ATP9B: variants seen among roughly 807,000 people sequenced by gnomAD.
The protein encoded by ATP9B is probable phospholipid-transporting ATPase IIB.
In ATP9B, 110 loss-of-function variants were observed where a neutral mutation model predicts 146.1. That is an observed-to-expected ratio of 0.75 (90% confidence interval 0.65 to 0.88). ATP9B has a LOEUF of 0.88. ATP9B is among the 40% of genes least tolerant of loss of function. The pLI is 0.00. For synonymous variants in ATP9B, 604 were observed against 569.7 expected (o/e 1.06, Z -0.86); for missense variants, 1,499 against 1,496.4 (o/e 1.00, Z -0.03).
intron 9 of ATP9B, chr18:79,194,267 G>A (rs2095397057): frequency 6.6e-6 from 1 of 152,142 alleles, no homozygotes; most frequent in African/African-American, 2.4e-5. Flanking sequence ...GGTACCCTTG[G>A]TAAGATAAAT....
At chr18:79,160,780 T>C (rs1253977268) in intron 7 of ATP9B, among the ~76,000 whole-genome samples, 1 of 148,002 alleles carries the variant, frequency 6.8e-6, no homozygotes, top group Non-Finnish European at 1.5e-5. Flanking sequence ...TTGTTTGTTT[T>C]TTCTCTTTTT....
At chr18:79,217,022 A>G (rs73000197) in intron 11 of ATP9B, among the ~76,000 whole-genome samples, 10,313 of 152,264 alleles carry the variant, frequency 0.068, 419 homozygotes, top group Non-Finnish European at 0.091. Flanking sequence ...TTATGTCTTG[A>G]ATCCACACGA....
At chr18:79,324,455 C>T (rs933152433) in intron 15 of ATP9B, among the ~76,000 whole-genome samples, 1 of 152,124 alleles carries the variant, frequency 6.6e-6, no homozygotes, top group Admixed American at 6.6e-5. Context: ...AGATACCAAG[C>T]AGATATTACC....
At chr18:79,073,520 C>T (rs540124033) in intron 1 of ATP9B, among the ~76,000 whole-genome samples, 54 of 152,318 alleles carry the variant, frequency 3.5e-4, no homozygotes, top group African/African-American at 1.0e-3. Context: ...CCCAGGCACT[C>T]GGCAGGCTGA....
chr18:79,288,518 G>A (rs2096467365), intron 13 of ATP9B, among the ~76,000 whole-genome samples: 1 of 152,046 alleles, frequency 6.6e-6, no homozygotes, highest in African/African-American at 2.4e-5. Flanking sequence ...CTCTGCACGT[G>A]AGATGGGTTT....
At chr18:79,130,728 A>C (rs1568240053) in intron 5 of ATP9B, among the ~76,000 whole-genome samples, 1 of 152,218 alleles carries the variant, frequency 6.6e-6, no homozygotes. Context: ...AACTGGTCAC[A>C]CACAAGGAAC....
intron 4 of ATP9B, among the ~76,000 whole-genome samples, chr18:79,121,717 CAT>C (rs761956041): frequency 1.5e-4 from 23 of 152,186 alleles, no homozygotes; most frequent in South Asian, 2.1e-4. Context: ...GAATCGTACA[CAT>C]GTGTTACTTA....
chr18:79,231,339 T>C (rs2148576848), intron 11 of ATP9B, among the ~76,000 whole-genome samples: 1 of 151,746 alleles, frequency 6.6e-6, no homozygotes, highest in Admixed American at 6.6e-5. Flanking sequence ...GCTAAGGACA[T>C]GAATGGACAA....
intron 2 of ATP9B, among the ~76,000 whole-genome samples, chr18:79,099,775 TA>T (rs1285257930): frequency 2.0e-5 from 3 of 152,048 alleles, no homozygotes; most frequent in Non-Finnish European, 4.4e-5. Flanking sequence ...TTTTTGCAGT[TA>T]TTTTTTTGTA....
At chr18:79,236,547 G>A (rs567260758) in intron 11 of ATP9B, among the ~76,000 whole-genome samples, 134 of 152,246 alleles carry the variant, frequency 8.8e-4, no homozygotes, top group African/African-American at 3.2e-3. Flanking sequence ...GTCTTCTGAA[G>A]TTTTATTGTT....
intron 1 of ATP9B, among the ~76,000 whole-genome samples, chr18:79,071,049 C>CTTTTTTTTTTTTTTT (rs746689031): frequency 1.8e-5 from 2 of 112,390 alleles, no homozygotes; most frequent in East Asian, 2.7e-4. Context: ...ATTCCTGTTT[C>CTTTTTTTTTTTTTTT]TTTTTTTTTT....
At position 79,128,082 on chromosome 18, in the gene ATP9B, C is replaced by T. The variant is rs191533599; in HGVS notation, c.667+1707C>T. ...TTTTTTTTTTTTTTTTTTTTTGAGA[C>T]GGAGTCTTGTTCTGTCGCCCAGGCT... On this transcript the variant is annotated intron_variant, in intron 5 of 29. Transcript: ENST00000426216. 5.9e-3 allele frequency among the ~76,000 whole-genome samples: 559 copies of T among 94,276 alleles called. 3 individuals carry two copies. The highest frequency in any genetic ancestry group is 0.032 in the South Asian group (88 of 2,788). The allele number at this position is 94,276 out of a possible 152,430, so 61.8% of individuals were successfully genotyped here.
intron 1 of ATP9B, among the ~76,000 whole-genome samples, chr18:79,091,700 T>C (rs574395760): frequency 2.6e-5 from 4 of 152,372 alleles, no homozygotes; most frequent in Admixed American, 2.0e-4. Flanking sequence ...TTTGCAAATA[T>C]ACGTTCGTAT....
At chr18:79,208,757 A>G (rs1308653132) in intron 10 of ATP9B, among the ~76,000 whole-genome samples, 1 of 151,452 alleles carries the variant, frequency 6.6e-6, no homozygotes, top group Non-Finnish European at 1.5e-5. Flanking sequence ...GTGTGTGTAT[A>G]TATATATAAA....
At chr18:79,207,052 A>C (rs1457966975) in intron 10 of ATP9B, 40 bp downstream of exon 10, 2 of 1,574,378 alleles carry the variant, frequency 1.3e-6, no homozygotes, top group Non-Finnish European at 1.7e-6. Context: ...TTGCTCCCGG[A>C]TAGATGATGC....
intron 2 of ATP9B, among the ~76,000 whole-genome samples, chr18:79,107,470 G>T (rs567287673): frequency 6.6e-6 from 1 of 152,152 alleles, no homozygotes; most frequent in African/African-American, 2.4e-5. Flanking sequence ...GACCTTTTGA[G>T]TGGGATGTTG....
At chr18:79,193,096 G>T in intron 8 of ATP9B, 87 bp from the exon 9 acceptor site, 1 of 975,028 alleles carries the variant, frequency 1.0e-6, no homozygotes, top group South Asian at 1.6e-5. Context: ...AATAATATAT[G>T]AACAATATTA....
intron 9 of ATP9B, among the ~76,000 whole-genome samples, chr18:79,203,766 C>T (rs1047174909): frequency 4.6e-5 from 7 of 152,192 alleles, no homozygotes; most frequent in Non-Finnish European, 7.3e-5. Flanking sequence ...GCTGTGCCAA[C>T]GCTGGAACCT....
At chr18:79,150,267 A>G (rs2094665367) in intron 6 of ATP9B, among the ~76,000 whole-genome samples, 2 of 152,184 alleles carry the variant, frequency 1.3e-5, no homozygotes, top group African/African-American at 2.4e-5. Flanking sequence ...TTGCTTGTGG[A>G]AATACAAATA....
Sources: gnomAD v4.1 joint callset for allele counts (sites outside exome capture counted in the v4.1 genomes callset) on GRCh38, gnomAD v4.1.1 for gene constraint, MANE v1.5 for transcripts, NCBI Gene and HGNC (gene_info 2026-07-23, HGNC 2026-07-21) for gene names.